The following CABLES1 variants were observed in gnomAD, a reference collection of about 807,000 sequenced individuals.
CABLES1 encodes the protein Cdk5 and Abl enzyme substrate 1.
CABLES1 carries 36 observed loss-of-function variants against 57.8 expected under a neutral mutation model. The ratio of observed to expected loss-of-function variants is 0.62; its 90% confidence interval spans 0.48 to 0.82. The LOEUF is 0.82. Among genes scored for constraint, CABLES1 ranks in the 40% least tolerant of loss-of-function variants. CABLES1 has a pLI of 0.00. For synonymous variants in CABLES1, 374 were observed against 363.0 expected (o/e 1.03, Z -0.35); for missense variants, 767 against 836.6 (o/e 0.92, Z 1.03).
In CABLES1 at chr18:23,220,083, C is replaced by T. The variant is rs77312386; in HGVS notation, c.1088+6029C>T. On this transcript the variant is annotated intron_variant, in intron 4 of 9. Coordinates refer to ENST00000256925, the MANE Select transcript of CABLES1 (RefSeq NM_001100619.3). ...GGTTTAGACCAAGCTGATAAGGGAT[C>T]GGCCTCACAGTGATCTCTAGAGCTG... Among the ~76,000 whole-genome samples, 306 of 152,214 alleles carry T rather than the reference C, an allele frequency of 2.0e-3. 4 individuals are homozygous for T. Among genetic ancestry groups the T allele is most frequent in the Middle Eastern group, 0.014 (4 of 294 alleles).
intron 7 of CABLES1, 42 bp downstream of exon 7, chr18:23,237,287 G>C: frequency 7.2e-7 from 1 of 1,381,240 alleles, no homozygotes; most frequent in Non-Finnish European, 1.0e-6. Context: ...TGCACCGTCA[G>C]TTGCCCCACC....
intron 9 of CABLES1, among the ~76,000 whole-genome samples, chr18:23,254,534 C>T (rs1455552932): frequency 6.6e-6 from 1 of 152,164 alleles, no homozygotes; most frequent in African/African-American, 2.4e-5. Context: ...TTACAGTTCC[C>T]AAGAGGAGTA....
At chr18:23,172,211 CAG>C (rs2047087621) in intron 1 of CABLES1, among the ~76,000 whole-genome samples, 1 of 152,190 alleles carries the variant, frequency 6.6e-6, no homozygotes. Context: ...ATGATAGTGA[CAG>C]TGATGACAAT....
chr18:23,153,649 G>A (rs1260792731), intron 1 of CABLES1, among the ~76,000 whole-genome samples: 1 of 152,010 alleles, frequency 6.6e-6, no homozygotes, highest in East Asian at 1.9e-4. Context: ...CAGGAGAATC[G>A]CTTGAACCCG....
intron 3 of CABLES1, among the ~76,000 whole-genome samples, chr18:23,198,534 G>A (rs9946944): frequency 0.14 from 21,216 of 152,140 alleles, 2,105 homozygotes; most frequent in African/African-American, 0.25. Flanking sequence ...AAGGGGAACT[G>A]AGGCGCAAAT....
At chr18:23,168,370 A>T (rs897415686) in intron 1 of CABLES1, among the ~76,000 whole-genome samples, 1 of 152,214 alleles carries the variant, frequency 6.6e-6, no homozygotes, top group Admixed American at 6.5e-5. Context: ...CAGGACAAAC[A>T]GTGTGTGCCT....
intron 2 of CABLES1, chr18:23,190,394 C>T (rs757239887): frequency 3.9e-5 from 6 of 152,158 alleles, no homozygotes; most frequent in Non-Finnish European, 5.9e-5. Flanking sequence ...CACTGTGAGC[C>T]GAAGGAAACC....
intron 1 of CABLES1, chr18:23,155,807 G>A: frequency 6.3e-7 from 1 of 1,597,026 alleles, no homozygotes; most frequent in Non-Finnish European, 8.5e-7. Context: ...GGTCTCAACA[G>A]TGCTTGCTTA....
At chr18:23,183,745 G>A (rs1471054497) in intron 1 of CABLES1, among the ~76,000 whole-genome samples, 1 of 152,224 alleles carries the variant, frequency 6.6e-6, no homozygotes, top group African/African-American at 2.4e-5. Flanking sequence ...CCAAGGCTAA[G>A]TGTTCTTTGT....
intron 7 of CABLES1, among the ~76,000 whole-genome samples, chr18:23,249,125 G>T (rs2047975768): frequency 6.6e-6 from 1 of 152,246 alleles, no homozygotes; most frequent in African/African-American, 2.4e-5. Flanking sequence ...GAGCCTCTTG[G>T]CAGCAGAAAC....
chr18:23,253,661 G>C, intron 8 of CABLES1, 68 bp from the exon 9 acceptor site: 1 of 1,281,220 alleles, frequency 7.8e-7, no homozygotes, highest in Non-Finnish European at 1.1e-6. Context: ...TCAAGATGGG[G>C]GAGTTTTTCT....
At chr18:23,203,784 T>C (rs1378297302) in intron 3 of CABLES1, among the ~76,000 whole-genome samples, 1 of 152,180 alleles carries the variant, frequency 6.6e-6, no homozygotes, top group Non-Finnish European at 1.5e-5. Flanking sequence ...CTCCCTAAAA[T>C]GAACCCGTCC....
chr18:23,235,800 A>G lies in CABLES1; in HGVS notation c.1186-95A>G, dbSNP rs192097829. On this transcript the variant is annotated intron_variant, in intron 5 of 9. Coordinates refer to ENST00000256925, the MANE Select transcript of CABLES1 (RefSeq NM_001100619.3). ...CAGAATTGCAAATAGGAGAAAGTGGACCTGAATGTGGGGTGACAACTGTAG... is the reference window on the plus strand; with the variant it reads ...CAGAATTGCAAATAGGAGAAAGTGGGCCTGAATGTGGGGTGACAACTGTAG... The G allele has an allele frequency of 6.7e-5, 81 of 1,204,624 alleles. No individual in the cohort carries two copies. The East Asian group carries it at 1.8e-3, about 26-fold the overall frequency. The allele number at this position is 1,204,624 out of a possible 1,614,324, so 74.6% of individuals were successfully genotyped here.
intron 3 of CABLES1, among the ~76,000 whole-genome samples, chr18:23,208,433 G>A (rs980735490): frequency 1.3e-5 from 2 of 152,306 alleles, no homozygotes; most frequent in East Asian, 1.9e-4. Flanking sequence ...CAGAAGAGAC[G>A]GAAAGGGGTC....
chr18:23,247,247 A>T (rs747223519), intron 7 of CABLES1, among the ~76,000 whole-genome samples: 3 of 152,258 alleles, frequency 2.0e-5, no homozygotes, highest in Non-Finnish European at 4.4e-5. Context: ...GTGCCGGAGA[A>T]TCATGACCTC....
rs1047077217 is a variant in CABLES1, at chr18:23,135,720, C to A, written c.-43C>A. On this transcript the variant is annotated 5_prime_UTR_variant, in exon 1 of 10. Coordinates refer to ENST00000256925, the MANE Select transcript of CABLES1 (RefSeq NM_001100619.3). Reference sequence around the variant, plus strand: ...CGCCGCTTAGCGCTCGGGCGCCGCTCGCTTCTCCGGGCATCGCGGAAATCC... The same window carrying A: ...CGCCGCTTAGCGCTCGGGCGCCGCTAGCTTCTCCGGGCATCGCGGAAATCC... 1.3e-4 allele frequency: 129 copies of A among 985,742 alleles called. No individual in the cohort carries two copies. Among genetic ancestry groups the A allele is most frequent in the Non-Finnish European group, 1.5e-4 (125 of 831,668 alleles). 61.1% of individuals were successfully genotyped at this position (985,742 alleles called of 1,614,324 possible).
chr18:23,176,962 A>G (rs1378804485), intron 1 of CABLES1, among the ~76,000 whole-genome samples: 4 of 152,012 alleles, frequency 2.6e-5, no homozygotes, highest in African/African-American at 9.7e-5. Context: ...CCCCCGCCTG[A>G]GCCCCTGCTG....
intron 3 of CABLES1, among the ~76,000 whole-genome samples, chr18:23,196,033 G>A (rs1375349887): frequency 6.6e-6 from 1 of 152,142 alleles, no homozygotes; most frequent in East Asian, 1.9e-4. Context: ...TAGCTGGCAC[G>A]GCACAAAGTC....
chr18:23,239,502 T>C (rs2047683071), intron 7 of CABLES1, among the ~76,000 whole-genome samples: 1 of 152,254 alleles, frequency 6.6e-6, no homozygotes, highest in South Asian at 2.1e-4. Context: ...CCCTGGAGAC[T>C]TCTTTCCTAG....
Sources: gnomAD v4.1 joint callset for allele counts (sites outside exome capture counted in the v4.1 genomes callset) on GRCh38, gnomAD v4.1.1 for gene constraint, MANE v1.5 for transcripts, NCBI Gene and HGNC (gene_info 2026-07-23, HGNC 2026-07-21) for gene names.